SLC16A12: variants seen among roughly 807,000 people sequenced by gnomAD.
The protein encoded by SLC16A12 is solute carrier family 16 member 12.
SLC16A12 carries 17 observed loss-of-function variants against 42.4 expected under a neutral mutation model. The observed-to-expected ratio is 0.40, with a 90% CI of 0.27 to 0.60. The LOEUF is 0.60. Ranked by LOEUF, SLC16A12 falls within the 20% of genes least tolerant of loss-of-function variation. SLC16A12 has a pLI of 0.42. For missense variants in SLC16A12, 544 were observed against 623.0 expected (o/e 0.87, Z 1.35); for synonymous variants, 224 against 229.4 (o/e 0.98, Z 0.21).
intron 2 of SLC16A12, among the ~76,000 whole-genome samples, chr10:89,550,376 G>A (rs904911917): frequency 2.6e-5 from 4 of 152,010 alleles, no homozygotes; most frequent in Non-Finnish European, 4.4e-5. Context: ...AAAATTAGAC[G>A]GGTGTGGTGG....
intron 2 of SLC16A12, among the ~76,000 whole-genome samples, chr10:89,519,918 G>A (rs2098065459): frequency 6.6e-6 from 1 of 151,924 alleles, no homozygotes; most frequent in African/African-American, 2.4e-5. Flanking sequence ...TTCAAGACCA[G>A]CCTGGCCAAC....
At chr10:89,439,250 A>C (rs1317379235) in intron 5 of SLC16A12, 67 bp from the exon 6 acceptor site, 2 of 1,463,976 alleles carry the variant, frequency 1.4e-6, no homozygotes, top group Admixed American at 3.5e-5. Context: ...TCAGAATACA[A>C]TGATTTATAT....
At position 89,431,180 on chromosome 10, in the gene SLC16A12, G is replaced by A. The variant is rs1380826082; in HGVS notation, c.*1884C>T. 1.2e-5 allele frequency: 2 copies of A among 166,394 alleles called. No homozygotes were observed. Among genetic ancestry groups the A allele is most frequent in the Non-Finnish European group, 2.6e-5 (2 of 78,116 alleles). The allele number at this position is 166,394 out of a possible 1,614,324, so 10.3% of individuals were successfully genotyped here. On this transcript the variant is annotated 3_prime_UTR_variant, in exon 8 of 8. Coordinates refer to ENST00000371790, the MANE Select transcript of SLC16A12 (RefSeq NM_213606.4). ...GCCTGGCTAATTTTTTGCATTTTTA[G>A]TAGAGACGGAGTTTCACGATGTTAG...
chr10:89,458,121 G>T (rs1358931146), intron 3 of SLC16A12, among the ~76,000 whole-genome samples: 1 of 152,188 alleles, frequency 6.6e-6, no homozygotes, highest in Non-Finnish European at 1.5e-5. Flanking sequence ...TAAAGAACCA[G>T]CATCCATTTA....
intron 2 of SLC16A12, among the ~76,000 whole-genome samples, chr10:89,550,971 A>G (rs1589739908): frequency 6.6e-6 from 1 of 152,332 alleles, no homozygotes; most frequent in South Asian, 2.1e-4. Flanking sequence ...CTTGTAAGTT[A>G]CCTGGCATAT....
intron 2 of SLC16A12, among the ~76,000 whole-genome samples, chr10:89,467,461 T>C (rs1842421608): frequency 6.6e-6 from 1 of 152,158 alleles, no homozygotes; most frequent in South Asian, 2.1e-4. Context: ...ACAACCTAAA[T>C]GTTTAACAAC....
chr10:89,540,060 T>C (rs983108839), upstream of SLC16A12, among the ~76,000 whole-genome samples: 23 of 151,296 alleles, frequency 1.5e-4, no homozygotes, highest in African/African-American at 5.1e-4. Context: ...TCTTTTTTCT[T>C]CCTTTCCTTC....
At position 89,439,015 on chromosome 10, in the gene SLC16A12, G is replaced by C. The variant is rs564713208; in HGVS notation, c.617C>G (p.Ala206Gly). 1.2e-6 allele frequency: 2 copies of C among 1,614,124 alleles called. No individual in the cohort carries two copies. Among genetic ancestry groups the C allele is most frequent in the East Asian group, 2.2e-5 (1 of 44,884 alleles). ...GACAAAGCCCCCAAGAATGAGTAAG[G>C]CTCCCCGCCAGGAAAACTGTTCAAT... ...LLIEQFSWRG[A>G]LLILGGFVLN... Residue 206 changes from alanine (A) to glycine (G), a missense_variant, in exon 6 of 8, where the codon GCC becomes GGC. Physicochemically the swap from Ala to Gly is moderately conservative, Grantham distance 60. Coordinates refer to ENST00000371790, the MANE Select transcript of SLC16A12 (RefSeq NM_213606.4).
intron 3 of SLC16A12, among the ~76,000 whole-genome samples, chr10:89,456,975 T>G (rs1391564999): frequency 6.6e-6 from 1 of 152,216 alleles, no homozygotes; most frequent in Admixed American, 6.5e-5. Context: ...TTTGGGTTGA[T>G]TCCATGTCTT....
chr10:89,486,603 A>G (rs866107980), intron 2 of SLC16A12, among the ~76,000 whole-genome samples: 65 of 70,378 alleles, frequency 9.2e-4, no homozygotes, highest in African/African-American at 1.2e-3. Context: ...AAAAAAAAAA[A>G]AAAGAAAGAA....
In SLC16A12 at chr10:89,431,944, G is replaced by A. The variant is rs1253279468; in HGVS notation, c.*1120C>T. 6.6e-6 allele frequency: 1 copy of A among 152,244 alleles called. No individual in the cohort carries two copies. Among genetic ancestry groups the A allele is most frequent in the African/African-American group, 2.4e-5 (1 of 41,440 alleles). 9.4% of individuals were successfully genotyped at this position (152,244 alleles called of 1,614,324 possible). ...ATAGTGGAACAAGAATTAACACAGG[G>A]AGAAAGGAATCTCACCTTTAGAATA... On this transcript the variant is annotated 3_prime_UTR_variant, in exon 8 of 8. Transcript: ENST00000371790.
At chr10:89,530,504 G>C (rs1270994709) in intron 2 of SLC16A12, among the ~76,000 whole-genome samples, 4 of 151,110 alleles carry the variant, frequency 2.6e-5, no homozygotes, top group African/African-American at 9.7e-5. Context: ...TGCAAGCTCC[G>C]CCTCCTGGGT....
At chr10:89,463,754 A>AT (rs1842343175) in intron 2 of SLC16A12, among the ~76,000 whole-genome samples, 1 of 152,204 alleles carries the variant, frequency 6.6e-6, no homozygotes, top group African/African-American at 2.4e-5. Flanking sequence ...ATCTGCATTC[A>AT]TTCATTCATT....
chr10:89,507,862 C>T (rs749065972), intron 2 of SLC16A12, among the ~76,000 whole-genome samples: 1 of 151,598 alleles, frequency 6.6e-6, no homozygotes, highest in Non-Finnish European at 1.5e-5. Flanking sequence ...CATATAGGCT[C>T]AAAATAAAGG....
intron 2 of SLC16A12, chr10:89,555,872 C>T (rs931109366): frequency 6.6e-6 from 1 of 151,312 alleles, no homozygotes; most frequent in Admixed American, 6.6e-5. Flanking sequence ...ACTATTGGAA[C>T]TTACATTACC....
chr10:89,465,958 G>A (rs1262326103), intron 2 of SLC16A12, among the ~76,000 whole-genome samples: 1 of 152,180 alleles, frequency 6.6e-6, no homozygotes, highest in Non-Finnish European at 1.5e-5. Flanking sequence ...GTAGATTCTG[G>A]ATGTGATACC....
chr10:89,460,422 T>C (rs1842278931), intron 3 of SLC16A12, among the ~76,000 whole-genome samples: 1 of 151,916 alleles, frequency 6.6e-6, no homozygotes, highest in Non-Finnish European at 1.5e-5. Flanking sequence ...CTTACAGAGG[T>C]CTTCTTAAGA....
At chr10:89,453,087 C>T (rs56284403) in intron 3 of SLC16A12, among the ~76,000 whole-genome samples, 1,613 of 152,306 alleles carry the variant, frequency 0.011, 31 homozygotes, top group African/African-American at 0.037. Flanking sequence ...AAAAGTGGTC[C>T]TTCTCTATCC....
chr10:89,539,845 C>A (rs192968715), upstream of SLC16A12, among the ~76,000 whole-genome samples: 646 of 141,488 alleles, frequency 4.6e-3, 3 homozygotes, highest in Non-Finnish European at 7.8e-3. Flanking sequence ...CCTTAGACAC[C>A]AAGAAACAAA....
Sources: gnomAD v4.1 joint callset for allele counts (sites outside exome capture counted in the v4.1 genomes callset) on GRCh38, gnomAD v4.1.1 for gene constraint, MANE v1.5 for transcripts, NCBI Gene and HGNC (gene_info 2026-07-23, HGNC 2026-07-21) for gene names.